The following DOCK8 variants were observed in gnomAD, a reference collection of about 807,000 sequenced individuals.
The protein encoded by DOCK8 is dedicator of cytokinesis protein 8.
In DOCK8, 141 loss-of-function variants were observed where a neutral mutation model predicts 245.6. The observed-to-expected ratio is 0.57, with a 90% CI of 0.50 to 0.66. The LOEUF (loss-of-function observed/expected upper bound fraction) is 0.66. DOCK8 is among the 30% of genes least tolerant of loss of function. DOCK8 has a pLI of 0.00. For synonymous variants in DOCK8, 1,168 were observed against 970.2 expected, an observed-to-expected ratio of 1.20 and a Z score of -3.79; for missense variants, 2,965 against 2,603.4, an observed-to-expected ratio of 1.14 and a Z score of -3.02.
chr9:432,878 T>C (rs183759916), intron 37 of DOCK8, among the ~76,000 whole-genome samples: 1 of 152,298 alleles, frequency 6.6e-6, no homozygotes, highest in Admixed American at 6.5e-5. Flanking sequence ...TAAGGAAATG[T>C]GTAAGGACAG....
intron 5 of DOCK8, among the ~76,000 whole-genome samples, chr9:310,468 T>G (rs1479285236): frequency 2.0e-5 from 3 of 152,246 alleles, no homozygotes; most frequent in African/African-American, 7.2e-5. Flanking sequence ...TTTATTTACT[T>G]ATTTTTTGAG....
intron 25 of DOCK8, 61 bp from the exon 26 acceptor site, chr9:399,085 A>G (rs1320781085): frequency 6.7e-7 from 1 of 1,483,296 alleles, no homozygotes; most frequent in Admixed American, 1.7e-5. Flanking sequence ...CCCACCAGTG[A>G]CCTGGAAGTT....
At chr9:286,912 C>A (rs1420261206) in intron 3 of DOCK8, among the ~76,000 whole-genome samples, 2 of 152,186 alleles carry the variant, frequency 1.3e-5, no homozygotes, top group African/African-American at 4.8e-5. Flanking sequence ...AAAGTGCAGG[C>A]TCTGGAGCCA....
chr9:336,728 C>T lies in DOCK8; in HGVS notation c.1422+10C>T. ...CAGCTTTTTCAAGCAGGTATCTCTTCACATTACAGTGTGTCTGGATTTTTC... is the reference window on the plus strand; with the variant it reads ...CAGCTTTTTCAAGCAGGTATCTCTTTACATTACAGTGTGTCTGGATTTTTC... On this transcript the variant is annotated intron_variant, in intron 12 of 47. Coordinates refer to ENST00000432829, the MANE Select transcript of DOCK8 (RefSeq NM_203447.4). 1 of 1,613,912 alleles carries T rather than the reference C, an allele frequency of 6.2e-7. No homozygotes were observed. Among genetic ancestry groups the T allele is most frequent in the East Asian group, 2.2e-5 (1 of 44,874 alleles).
chr9:322,594 G>A (rs1037079560), intron 7 of DOCK8, among the ~76,000 whole-genome samples: 3 of 152,316 alleles, frequency 2.0e-5, no homozygotes, highest in Non-Finnish European at 2.9e-5. Context: ...AGAGACTGAT[G>A]TGTGGAAAGC....
chr9:432,058 C>A, intron 36 of DOCK8, 108 bp from the exon 37 acceptor site: 1 of 1,133,128 alleles, frequency 8.8e-7, no homozygotes, highest in Non-Finnish European at 1.3e-6. Flanking sequence ...TAAGACGGGG[C>A]AAAGGAAACA....
At chr9:400,252 A>ACC (rs1277258902) in intron 26 of DOCK8, among the ~76,000 whole-genome samples, 2 of 97,420 alleles carry the variant, frequency 2.1e-5, no homozygotes, top group Admixed American at 1.0e-4. Flanking sequence ...CACCTCCACC[A>ACC]TCACCACCAC....
At chr9:236,573 C>T (rs2047254436) in intron 1 of DOCK8, among the ~76,000 whole-genome samples, 1 of 152,138 alleles carries the variant, frequency 6.6e-6, no homozygotes, top group South Asian at 2.1e-4. Context: ...CCACTAGTAC[C>T]TGTAGTAGGT....
chr9:328,992 C>T (rs1284245261), intron 9 of DOCK8, among the ~76,000 whole-genome samples: 2 of 142,650 alleles, frequency 1.4e-5, no homozygotes, highest in African/African-American at 2.7e-5. Context: ...TCTTGTCACC[C>T]AGGCTGGAGT....
At chr9:385,347 T>C in intron 22 of DOCK8, among the ~76,000 whole-genome samples, 1 of 152,288 alleles carries the variant, frequency 6.6e-6, no homozygotes, top group African/African-American at 2.4e-5. Flanking sequence ...CTATAAAAGA[T>C]ATTAAGAGAA....
intron 2 of DOCK8, among the ~76,000 whole-genome samples, chr9:283,444 C>T (rs901342612): frequency 6.6e-6 from 1 of 152,122 alleles, no homozygotes; most frequent in Non-Finnish European, 1.5e-5. Flanking sequence ...TGCAGTTTTG[C>T]TACATGAATA....
chr9:249,735 A>T (rs2047603508), intron 1 of DOCK8, among the ~76,000 whole-genome samples: 1 of 151,750 alleles, frequency 6.6e-6, no homozygotes, highest in South Asian at 2.1e-4. Context: ...CTCCTGCCTC[A>T]GCCTGCCAAG....
intron 14 of DOCK8, among the ~76,000 whole-genome samples, chr9:355,940 A>T (rs1459361021): frequency 6.6e-6 from 1 of 152,178 alleles, no homozygotes; most frequent in African/African-American, 2.4e-5. Context: ...AGTAGTTCCA[A>T]TCCTTCCCCC....
intron 1 of DOCK8, among the ~76,000 whole-genome samples, chr9:216,399 G>A (rs764963139): frequency 5.9e-5 from 9 of 151,828 alleles, no homozygotes; most frequent in Admixed American, 2.0e-4. Flanking sequence ...AGCCAGGTGT[G>A]GTTGCATGCA....
intron 28 of DOCK8, among the ~76,000 whole-genome samples, chr9:412,568 G>T (rs1195654398): frequency 1.3e-5 from 2 of 152,080 alleles, no homozygotes; most frequent in East Asian, 3.8e-4. Context: ...CAGCAGTGTT[G>T]CATGGTATAA....
intron 15 of DOCK8, chr9:369,095 T>C (rs2053164526): frequency 6.6e-6 from 1 of 152,040 alleles, no homozygotes; most frequent in Non-Finnish European, 1.5e-5. Context: ...CGTGAGCCAC[T>C]GCACGCAGTT....
At chr9:461,867 A>G (rs2057816116) in intron 46 of DOCK8, among the ~76,000 whole-genome samples, 1 of 151,316 alleles carries the variant, frequency 6.6e-6, no homozygotes, top group Non-Finnish European at 1.5e-5. Flanking sequence ...TCTTTTTTCT[A>G]GAAGTTCTGT....
chr9:215,410 C>T, intron 1 of DOCK8: 2 of 1,534,942 alleles, frequency 1.3e-6, no homozygotes, highest in South Asian at 2.4e-5. Context: ...CGGCTCCTTC[C>T]TTTGAGGCAA....
intron 14 of DOCK8, chr9:340,572 G>T (rs1044031033): frequency 2.7e-5 from 12 of 437,008 alleles, no homozygotes; most frequent in Admixed American, 6.6e-5. Context: ...AGTGAGCCAA[G>T]ATTGCACTAC....
Sources: allele counts gnomAD v4.1 joint callset (sites outside exome capture counted in the v4.1 genomes callset), GRCh38; gene constraint gnomAD v4.1.1; transcripts MANE v1.5; gene names NCBI Gene and HGNC (gene_info 2026-07-23, HGNC 2026-07-21).